Variants in APPL1 observed in about 807,000 individuals in gnomAD.
The protein encoded by APPL1 is adaptor protein, phosphotyrosine interacting with PH domain and leucine zipper 1.
A neutral mutation model predicts 106.8 loss-of-function variants in APPL1; 42 were observed. The ratio of observed to expected loss-of-function variants is 0.39; its 90% CI spans 0.31 to 0.51. The LOEUF (loss-of-function observed/expected upper bound fraction) is 0.51. APPL1 is among the 20% of genes least tolerant of loss of function. APPL1 has a pLI of 0.75. For missense variants in APPL1, 769 were observed against 858.2 expected, an observed-to-expected ratio of 0.90 and a Z score of 1.30; for synonymous variants, 263 against 281.8, an observed-to-expected ratio of 0.93 and a Z score of 0.67.
intron 13 of APPL1, among the ~76,000 whole-genome samples, chr3:57,256,706 A>T (rs929227147): frequency 2.0e-5 from 3 of 152,226 alleles, no homozygotes; most frequent in Non-Finnish European, 4.4e-5. Context: ...AGGGAATTTT[A>T]AAAAATTAAA....
Position 57,239,340 on chromosome 3 carries a change from A to G in APPL1, c.286-1125A>G, listed in dbSNP as rs376319464. The stretch of plus-strand genomic sequence containing the variant: ...TGTCAACCACTAATCTTCTTTCTGT[A>G]TGGATTTGCCTACTTTTGATATTTC... On this transcript the variant is annotated intron_variant, in intron 4 of 21. Coordinates refer to ENST00000288266, the MANE Select transcript of APPL1 (RefSeq NM_012096.3). 1.0e-3 allele frequency among the ~76,000 whole-genome samples: 158 copies of G among 152,318 alleles called. 1 individual carries two copies. The highest frequency in any genetic ancestry group is 3.6e-3 in the African/African-American group (149 of 41,576).
At chr3:57,240,129 TTG>T (rs953495338) in intron 4 of APPL1, among the ~76,000 whole-genome samples, 8 of 145,000 alleles carry the variant, frequency 5.5e-5, no homozygotes, top group Non-Finnish European at 6.1e-5. Flanking sequence ...CCATTCTGAG[TTG>T]TTTTTTTTTT....
chr3:57,260,472 G>A, intron 18 of APPL1, 156 bp from the exon 19 acceptor site: 1 of 649,652 alleles, frequency 1.5e-6, no homozygotes, highest in Non-Finnish European at 2.3e-6. Flanking sequence ...AACCAAATAT[G>A]ACATTACTTG....
chr3:57,249,654 A>G lies in APPL1; in HGVS notation c.1052+106A>G, dbSNP rs2060793006. 4.0e-6 allele frequency: 4 copies of G among 988,392 alleles called. No homozygotes were observed. In the East Asian group the frequency reaches 1.2e-4, roughly 29 times the overall value. The allele number at this position is 988,392 out of a possible 1,614,324, so 61.2% of individuals were successfully genotyped here. ...ATTTTATGGACATTTTAGGTTCATTATGTATTAAGATAAATTGCTTTTTAA... is the reference window on the plus strand; with the variant it reads ...ATTTTATGGACATTTTAGGTTCATTGTGTATTAAGATAAATTGCTTTTTAA... On this transcript the variant is annotated intron_variant, in intron 11 of 21. Transcript: ENST00000288266.
At chr3:57,245,587 G>T (rs1327113554) in intron 7 of APPL1, among the ~76,000 whole-genome samples, 1 of 150,924 alleles carries the variant, frequency 6.6e-6, no homozygotes, top group African/African-American at 2.4e-5. Flanking sequence ...CTGTCACCCA[G>T]GCTGGAGTAC....
intron 11 of APPL1, among the ~76,000 whole-genome samples, chr3:57,251,318 G>A (rs982626261): frequency 1.3e-5 from 2 of 151,516 alleles, no homozygotes; most frequent in Non-Finnish European, 2.9e-5. Flanking sequence ...GACATCAGGA[G>A]TTTGAGACCA....
intron 1 of APPL1, among the ~76,000 whole-genome samples, chr3:57,230,141 A>C (rs2060679438): frequency 6.6e-6 from 1 of 152,234 alleles, no homozygotes; most frequent in Non-Finnish European, 1.5e-5. Context: ...GGAAGTGTAC[A>C]TACTTGGAGG....
At chr3:57,240,921 AG>A (rs2060743105) in intron 5 of APPL1, among the ~76,000 whole-genome samples, 1 of 152,232 alleles carries the variant, frequency 6.6e-6, no homozygotes, top group South Asian at 2.1e-4. Context: ...ATTTGCCAGG[AG>A]AACAGTCATT....
chr3:57,247,450 T>C lies in APPL1; in HGVS notation c.677T>C (p.Leu226Ser). 6.2e-7 allele frequency: 1 copy of C among 1,610,276 alleles called. No individual in the cohort carries two copies. ...CTTAATGAACAACTGGAAGAATTTT[T>C]AGCTAATATTGGAACAAGCGTTCAG... ...ENLNEQLEEFLANIGTSVQNV... is the reference protein window; with the variant it reads ...ENLNEQLEEFSANIGTSVQNV... The change falls in exon 9 of 22, where the codon TTA becomes TCA. Residue 226 changes from leucine (L) to serine (S), a missense_variant. By Grantham distance (145) the Leu-to-Ser change is moderately radical (BLOSUM62 -2). Transcript: ENST00000288266.
intron 11 of APPL1, among the ~76,000 whole-genome samples, chr3:57,251,912 T>A (rs951402878): frequency 6.6e-6 from 1 of 152,150 alleles, no homozygotes; most frequent in African/African-American, 2.4e-5. Flanking sequence ...TTAGGATCAT[T>A]GATGTATATT....
At chr3:57,259,730 A>G (rs1358984355) in intron 16 of APPL1, 115 bp from the exon 17 acceptor site, 4 of 880,590 alleles carry the variant, frequency 4.5e-6, no homozygotes, top group Non-Finnish European at 6.6e-6. Flanking sequence ...TTCACTAGAA[A>G]ACCTAAAAGG....
chr3:57,261,040 T>G (rs1374851998), intron 19 of APPL1, among the ~76,000 whole-genome samples: 1 of 152,188 alleles, frequency 6.6e-6, no homozygotes, highest in African/African-American at 2.4e-5. Flanking sequence ...TGTCAGATAT[T>G]AAATATATTC....
intron 19 of APPL1, among the ~76,000 whole-genome samples, chr3:57,264,158 G>T (rs1310011403): frequency 6.6e-6 from 1 of 150,674 alleles, no homozygotes; most frequent in Non-Finnish European, 1.5e-5. Flanking sequence ...CTTTTCATAT[G>T]CCTGTTTGCC....
At chr3:57,245,049 A>G (rs1386735594) in intron 7 of APPL1, among the ~76,000 whole-genome samples, 1 of 152,132 alleles carries the variant, frequency 6.6e-6, no homozygotes, top group Non-Finnish European at 1.5e-5. Context: ...TGTGTACAAA[A>G]CTATCTTCAG....
At chr3:57,241,567 C>T (rs1252370880) in intron 5 of APPL1, among the ~76,000 whole-genome samples, 1 of 152,122 alleles carries the variant, frequency 6.6e-6, no homozygotes, top group African/African-American at 2.4e-5. Flanking sequence ...ACACCTACAC[C>T]ATTTCTGGAC....
chr3:57,264,934 CT>C (rs947451727), intron 19 of APPL1, among the ~76,000 whole-genome samples: 1 of 151,438 alleles, frequency 6.6e-6, no homozygotes, highest in African/African-American at 2.4e-5. Context: ...TATTCTGAAT[CT>C]TTTATGATTC....
At position 57,238,331 on chromosome 3, in the gene APPL1, C is replaced by T. The variant is rs114390126; in HGVS notation, c.285+215C>T. 4.5e-3 allele frequency: 2,064 copies of T among 457,204 alleles called. 31 individuals are homozygous for T. The highest frequency in any genetic ancestry group is 0.038 in the African/African-American group (1,883 of 49,706). 28.3% of individuals were successfully genotyped at this position (457,204 alleles called of 1,614,324 possible). On this transcript the variant is annotated intron_variant, in intron 4 of 21. Coordinates refer to ENST00000288266, the MANE Select transcript of APPL1 (RefSeq NM_012096.3). ...AACTTACAGATGTGCTTCTTCTATA[C>T]GCAGTCCGTGCTAACATTCAGTCTT...
intron 19 of APPL1, among the ~76,000 whole-genome samples, 199 bp downstream of exon 19, chr3:57,260,973 G>A (rs1041405949): frequency 1.3e-5 from 2 of 152,124 alleles, no homozygotes; most frequent in African/African-American, 4.8e-5. Flanking sequence ...AGGGTATTTA[G>A]GGTGTCCATC....
intron 10 of APPL1, among the ~76,000 whole-genome samples, chr3:57,248,931 A>C (rs759683389): frequency 3.3e-5 from 5 of 152,214 alleles, no homozygotes; most frequent in Non-Finnish European, 5.9e-5. Flanking sequence ...TTGTATCATA[A>C]CATGAGAATG....
Sources: allele counts gnomAD v4.1 joint callset (sites outside exome capture counted in the v4.1 genomes callset), GRCh38; gene constraint gnomAD v4.1.1; transcripts MANE v1.5; gene names NCBI Gene and HGNC (gene_info 2026-07-23, HGNC 2026-07-21).